PIK3R1: variants seen among roughly 807,000 people sequenced by gnomAD.
The protein encoded by PIK3R1 is phosphoinositide-3-kinase regulatory subunit 1.
A neutral mutation model predicts 98.0 loss-of-function variants in PIK3R1; 29 were observed. That is an observed-to-expected ratio of 0.30 (90% CI 0.22 to 0.40). The LOEUF is 0.40. PIK3R1 is among the 10% of genes least tolerant of loss of function. PIK3R1 has a pLI of 1.00. For missense variants in PIK3R1, 596 were observed against 872.7 expected, an observed-to-expected ratio of 0.68 and a Z score of 3.99; for synonymous variants, 282 against 311.8, an observed-to-expected ratio of 0.90 and a Z score of 1.01.
intron 2 of PIK3R1, among the ~76,000 whole-genome samples, chr5:68,265,557 G>A (rs1402952758): frequency 1.3e-5 from 2 of 152,124 alleles, no homozygotes; most frequent in African/African-American, 4.8e-5. Context: ...CTCTGGTGCT[G>A]CTTCTTATAA....
intron 6 of PIK3R1, 40 bp from the exon 7 acceptor site, chr5:68,280,887 T>A: frequency 6.9e-7 from 1 of 1,441,560 alleles, no homozygotes; most frequent in Non-Finnish European, 9.6e-7. Flanking sequence ...ATGAGTTTGC[T>A]TTTAGGGAAA....
At chr5:68,285,826 T>G (rs1747055675) in intron 7 of PIK3R1, among the ~76,000 whole-genome samples, 2 of 152,212 alleles carry the variant, frequency 1.3e-5, no homozygotes, top group Non-Finnish European at 2.9e-5. Flanking sequence ...CTTAGCATAA[T>G]GTCAGTTAAG....
chr5:68,263,475 C>A (rs1580222305), intron 2 of PIK3R1, among the ~76,000 whole-genome samples: 1 of 151,910 alleles, frequency 6.6e-6, no homozygotes, highest in East Asian at 1.9e-4. Context: ...CCATTAATTT[C>A]TTTAGTAGAG....
chr5:68,234,402 G>A (rs759988215), intron 2 of PIK3R1, among the ~76,000 whole-genome samples: 7 of 152,210 alleles, frequency 4.6e-5, no homozygotes, highest in South Asian at 4.1e-4. Context: ...AACCTAGGAT[G>A]GTTGGAAAGA....
intron 2 of PIK3R1, among the ~76,000 whole-genome samples, chr5:68,252,911 T>G (rs1179524919): frequency 6.6e-6 from 1 of 152,196 alleles, no homozygotes; most frequent in Non-Finnish European, 1.5e-5. Context: ...TTCTGCCTTT[T>G]CTCCCTCAGA....
intron 1 of PIK3R1, among the ~76,000 whole-genome samples, chr5:68,225,251 AC>A (rs2111957397): frequency 6.7e-6 from 1 of 149,724 alleles, no homozygotes; most frequent in South Asian, 2.1e-4. Context: ...TTTTTTTTTA[AC>A]TTTTGATTTG....
At chr5:68,243,231 T>G (rs1744936971) in intron 2 of PIK3R1, among the ~76,000 whole-genome samples, 1 of 152,220 alleles carries the variant, frequency 6.6e-6, no homozygotes, top group African/African-American at 2.4e-5. Context: ...TCAGAAGAAT[T>G]GTTAGTTTTT....
At chr5:68,246,466 C>A (rs1025261709) in intron 2 of PIK3R1, among the ~76,000 whole-genome samples, 5 of 152,094 alleles carry the variant, frequency 3.3e-5, no homozygotes, top group Non-Finnish European at 7.4e-5. Context: ...GTGCCCGCCA[C>A]CACGCCCAGC....
At chr5:68,285,434 G>GTCA (rs1198684768) in intron 7 of PIK3R1, among the ~76,000 whole-genome samples, 2 of 152,122 alleles carry the variant, frequency 1.3e-5, no homozygotes, top group Admixed American at 1.3e-4. Context: ...AATTTTTATT[G>GTCA]GTTTAAAATG....
intron 7 of PIK3R1, among the ~76,000 whole-genome samples, chr5:68,281,700 C>T (rs772793572): frequency 5.3e-5 from 8 of 152,110 alleles, no homozygotes; most frequent in African/African-American, 2.4e-5. Flanking sequence ...GGGTACTATA[C>T]GTGTGAAGTT....
chr5:68,239,959 T>A, intron 2 of PIK3R1: 1 of 491,884 alleles, frequency 2.0e-6, no homozygotes, highest in Non-Finnish European at 4.0e-6. Flanking sequence ...TAAAGGGCAG[T>A]TCATTCCTCC....
At chr5:68,288,811 G>A in intron 7 of PIK3R1, 2 of 1,567,870 alleles carry the variant, frequency 1.3e-6, no homozygotes, top group Middle Eastern at 3.3e-4. Context: ...CCTTTCTGTA[G>A]TTTGTCTTGG....
intron 2 of PIK3R1, among the ~76,000 whole-genome samples, chr5:68,257,970 C>T (rs567444093): frequency 6.6e-6 from 1 of 152,202 alleles, no homozygotes. Context: ...AAAACAATAG[C>T]ACCCTGACTT....
At chr5:68,240,840 G>T (rs1744848164) in intron 2 of PIK3R1, among the ~76,000 whole-genome samples, 1 of 152,008 alleles carries the variant, frequency 6.6e-6, no homozygotes, top group Non-Finnish European at 1.5e-5. Context: ...ATATATTCTA[G>T]AAGAGAAGGA....
In PIK3R1 at chr5:68,292,253, C is replaced by G; in HGVS notation, c.917-6C>G. 1.3e-6 allele frequency: 2 copies of G among 1,597,276 alleles called. No homozygotes were observed. Among genetic ancestry groups the G allele is most frequent in the Non-Finnish European group, 1.7e-6 (2 of 1,168,234 alleles). ...TTGCGAACAACTTTTTCTTTTTCAT[C>G]TGCAGCACTGCCTCCTAAACCACCA... is the stretch of plus-strand genomic sequence containing the variant. On this transcript the variant is annotated splice_region_variant and splice_polypyrimidine_tract_variant and intron_variant, in intron 7 of 15. Coordinates refer to ENST00000521381, the MANE Select transcript of PIK3R1 (RefSeq NM_181523.3).
At chr5:68,246,924 C>A (rs62355063) in intron 2 of PIK3R1, among the ~76,000 whole-genome samples, 1 of 152,084 alleles carries the variant, frequency 6.6e-6, no homozygotes, top group Non-Finnish European at 1.5e-5. Context: ...AAATGCTGAG[C>A]CTTAAGAGGG....
chr5:68,234,100 TA>T, intron 2 of PIK3R1, among the ~76,000 whole-genome samples: 1 of 152,236 alleles, frequency 6.6e-6, no homozygotes, highest in Non-Finnish European at 1.5e-5. Context: ...AAATGAAATA[TA>T]AATCTGTGAT....
intron 2 of PIK3R1, among the ~76,000 whole-genome samples, chr5:68,270,974 G>C (rs1746332772): frequency 6.6e-6 from 1 of 152,146 alleles, no homozygotes; most frequent in Non-Finnish European, 1.5e-5. Flanking sequence ...ATTTGTATTT[G>C]AAGTGCTTTT....
intron 2 of PIK3R1, among the ~76,000 whole-genome samples, chr5:68,263,187 ATATCTACATATATATCTATATATATATT>A (rs1350310521): frequency 1.9e-4 from 27 of 139,440 alleles, no homozygotes; most frequent in South Asian, 8.9e-4. Context: ...ATATATACAT[ATATCTACATATATATCTATATATATATT>A]TCTACATATA....
Sources: gnomAD v4.1 joint callset for allele counts (sites outside exome capture counted in the v4.1 genomes callset) on GRCh38, gnomAD v4.1.1 for gene constraint, MANE v1.5 for transcripts, NCBI Gene and HGNC (gene_info 2026-07-23, HGNC 2026-07-21) for gene names.